LRRC49: variants seen among roughly 807,000 people sequenced by gnomAD.
LRRC49 encodes the protein leucine rich repeat containing 49.
In LRRC49, 50 loss-of-function variants were observed where a neutral mutation model predicts 83.3. That is an observed-to-expected ratio of 0.60 (90% CI 0.48 to 0.76). The LOEUF is 0.76. Among genes scored for constraint, LRRC49 ranks in the 30% least tolerant of loss-of-function variants. The probability of loss-of-function intolerance (pLI) is 0.00; values close to 1 mark genes in which losing one functional copy is unlikely to be tolerated. For missense variants in LRRC49, 704 were observed against 809.1 expected (o/e 0.87, Z 1.58); for synonymous variants, 286 against 283.3 (o/e 1.01, Z -0.10).
intron 7 of LRRC49, among the ~76,000 whole-genome samples, chr15:70,927,221 A>G (rs1230370107): frequency 2.0e-5 from 3 of 152,180 alleles, no homozygotes; most frequent in Admixed American, 6.5e-5. Flanking sequence ...TAGCAATTCT[A>G]TGATTCTCAT....
intron 9 of LRRC49, among the ~76,000 whole-genome samples, chr15:70,967,500 G>A (rs561016984): frequency 6.6e-6 from 1 of 152,188 alleles, no homozygotes; most frequent in African/African-American, 2.4e-5. Flanking sequence ...TCTATCACTG[G>A]CCTCAACTCC....
chr15:70,914,377 G>A (rs2034675145), intron 6 of LRRC49, among the ~76,000 whole-genome samples: 1 of 152,122 alleles, frequency 6.6e-6, no homozygotes, highest in East Asian at 1.9e-4. Context: ...GGTGCACATT[G>A]TGAAATAAAA....
intron 9 of LRRC49, among the ~76,000 whole-genome samples, chr15:70,979,005 C>G (rs546340930): frequency 1.7e-4 from 26 of 152,248 alleles, no homozygotes; most frequent in African/African-American, 6.0e-4. Flanking sequence ...GGTTTCCTGT[C>G]TCTGAAGATG....
chr15:70,944,847 C>A (rs2035952480), intron 8 of LRRC49, among the ~76,000 whole-genome samples: 2 of 152,198 alleles, frequency 1.3e-5, no homozygotes, highest in Non-Finnish European at 1.5e-5. Context: ...CGCCTCACAC[C>A]TAAGGCATGG....
At chr15:70,854,971 G>A (rs1567025853) in intron 1 of LRRC49, among the ~76,000 whole-genome samples, 1 of 152,168 alleles carries the variant, frequency 6.6e-6, no homozygotes, top group Admixed American at 6.5e-5. Flanking sequence ...CTTTTCACGT[G>A]TAACTTCAAA....
intron 7 of LRRC49, among the ~76,000 whole-genome samples, chr15:70,925,536 C>T (rs1055435564): frequency 6.6e-6 from 1 of 152,042 alleles, no homozygotes; most frequent in African/African-American, 2.4e-5. Flanking sequence ...ATTGAGGAAA[C>T]CCCTTGGAAT....
At chr15:70,873,139 C>T (rs2033085704) in exon 2 of LRRC49, 2 of 1,365,330 alleles carry the variant, frequency 1.5e-6, no homozygotes, top group Admixed American at 2.0e-5. Context: ...CCCGCCTTGG[C>T]CTCCCAAAGT....
At chr15:70,904,480 T>A in intron 4 of LRRC49, 72 bp from the exon 5 acceptor site, 1 of 1,015,598 alleles carries the variant, frequency 9.8e-7, no homozygotes, top group Non-Finnish European at 1.5e-6. Flanking sequence ...ACAAAGATAC[T>A]ACTAATAATA....
intron 5 of LRRC49, chr15:70,908,122 T>C (rs2141117703): frequency 2.4e-6 from 1 of 415,718 alleles, no homozygotes; most frequent in East Asian, 7.2e-5. Flanking sequence ...TGGCTGTTTT[T>C]CTTCCTGTTC....
At chr15:70,949,023 T>C (rs1347805305) in intron 8 of LRRC49, among the ~76,000 whole-genome samples, 1 of 152,194 alleles carries the variant, frequency 6.6e-6, no homozygotes, top group African/African-American at 2.4e-5. Context: ...ATAAAACTTA[T>C]TTATGGACCC....
intron 11 of LRRC49, among the ~76,000 whole-genome samples, chr15:70,998,866 A>T (rs568952291): frequency 6.6e-6 from 1 of 151,272 alleles, no homozygotes; most frequent in East Asian, 1.9e-4. Context: ...GGTTCTGTTC[A>T]TTTATCTTTA....
chr15:70,880,841 A>G (rs1273387304), intron 2 of LRRC49, among the ~76,000 whole-genome samples: 1 of 152,270 alleles, frequency 6.6e-6, no homozygotes, highest in African/African-American at 2.4e-5. Flanking sequence ...GTTTGAATTA[A>G]GGAGATAGGC....
chr15:70,882,428 A>C (rs1408145234), intron 2 of LRRC49: 1 of 1,545,380 alleles, frequency 6.5e-7, no homozygotes, highest in East Asian at 2.3e-5. Flanking sequence ...AATCTATAGC[A>C]CATCAGAGCA....
rs2039974091 is a variant in LRRC49, at chr15:71,050,094, T to G, written c.*482T>G. On this transcript the variant is annotated 3_prime_UTR_variant, in exon 16 of 16. Transcript: ENST00000260382. ...GTCAAAATAAAGTATGTTTGCCTCC[T>G]TAATTCAGTCAGAATTGTCATATTT... 1 of 154,286 alleles carries G rather than the reference T, an allele frequency of 6.5e-6. No individual in the cohort carries two copies. The highest frequency in any genetic ancestry group is 1.4e-5 in the Non-Finnish European group (1 of 69,576). The allele number at this position is 154,286 out of a possible 1,614,324, so 9.6% of individuals were successfully genotyped here.
Position 71,049,752 on chromosome 15 carries a change from C to A in LRRC49, c.*140C>A. 3.4e-6 allele frequency: 2 copies of A among 587,178 alleles called. No homozygotes were observed. The highest frequency in any genetic ancestry group is 2.9e-6 in the Non-Finnish European group (1 of 340,816). 36.4% of individuals were successfully genotyped at this position (587,178 alleles called of 1,614,324 possible). On this transcript the variant is annotated 3_prime_UTR_variant, in exon 16 of 16. Transcript: ENST00000260382. ...TATAAAAGCATTATTGCCCACTGTT[C>A]TCATAGCTAAAAGTTAAGAAGGAAG...
At chr15:70,939,993 C>A (rs1309651914) in intron 8 of LRRC49, among the ~76,000 whole-genome samples, 1 of 151,788 alleles carries the variant, frequency 6.6e-6, no homozygotes, top group Non-Finnish European at 1.5e-5. Flanking sequence ...TCACTATTCT[C>A]TAAGACAAGA....
At chr15:71,010,170 A>G (rs963230163) in intron 13 of LRRC49, among the ~76,000 whole-genome samples, 178 bp downstream of exon 13, 4 of 152,172 alleles carry the variant, frequency 2.6e-5, no homozygotes, top group East Asian at 3.9e-4. Context: ...CTTCCAAAGA[A>G]CTAAATAAAT....
chr15:71,005,087 A>G (rs1475414983), intron 11 of LRRC49, among the ~76,000 whole-genome samples: 1 of 152,204 alleles, frequency 6.6e-6, no homozygotes, highest in African/African-American at 2.4e-5. Context: ...ATACATAATC[A>G]GGTTTTATTT....
intron 11 of LRRC49, among the ~76,000 whole-genome samples, chr15:70,994,574 G>C (rs2038014273): frequency 6.6e-6 from 1 of 152,058 alleles, no homozygotes; most frequent in Admixed American, 6.6e-5. Flanking sequence ...TCCCAGGCTT[G>C]AGCAGTCCTC....
Sources: gnomAD v4.1 joint callset for allele counts (sites outside exome capture counted in the v4.1 genomes callset) on GRCh38, gnomAD v4.1.1 for gene constraint, MANE v1.5 for transcripts, NCBI Gene and HGNC (gene_info 2026-07-23, HGNC 2026-07-21) for gene names.